The following DSCAML1 variants were observed in gnomAD, a reference collection of about 807,000 sequenced individuals.
DSCAML1 encodes the protein DS cell adhesion molecule like 1, also known as cell adhesion molecule DSCAML1.
Under a neutral mutation model 200.5 loss-of-function variants are expected in DSCAML1, and 38 were observed. That is an observed-to-expected ratio of 0.19 (90% CI 0.15 to 0.25). DSCAML1 has a LOEUF of 0.25. Among genes scored for constraint, DSCAML1 ranks in the 10% least tolerant of loss-of-function variants. DSCAML1 has a pLI of 1.00. For missense variants in DSCAML1, 2,223 were observed against 2,858.8 expected, an observed-to-expected ratio of 0.78 and a Z score of 5.07; for synonymous variants, 1,215 against 1,165.0, an observed-to-expected ratio of 1.04 and a Z score of -0.87.
chr11:117,481,651 ATCCAGGAGAGAGGGAGGGGCTGAGGGG>A (rs1466562737), intron 12 of DSCAML1, among the ~76,000 whole-genome samples: 1 of 135,560 alleles, frequency 7.4e-6, no homozygotes, highest in Non-Finnish European at 1.6e-5. Flanking sequence ...GGGCTGAGGG[ATCCAGGAGAGAGGGAGGGGCTGAGGGG>A]TCCCAAAAGG....
intron 3 of DSCAML1, among the ~76,000 whole-genome samples, chr11:117,753,710 G>T (rs1336967221): frequency 6.6e-6 from 1 of 152,214 alleles, no homozygotes; most frequent in Non-Finnish European, 1.5e-5. Context: ...GCTGAGACCT[G>T]TGACTTAGAA....
intron 3 of DSCAML1, among the ~76,000 whole-genome samples, chr11:117,700,871 T>C (rs969195945): frequency 6.6e-6 from 1 of 152,250 alleles, no homozygotes; most frequent in Non-Finnish European, 1.5e-5. Flanking sequence ...CTATCAGAGA[T>C]GGAGCCAGTC....
chr11:117,747,702 C>T (rs562097836), intron 3 of DSCAML1, among the ~76,000 whole-genome samples: 17 of 152,232 alleles, frequency 1.1e-4, no homozygotes, highest in Admixed American at 5.9e-4. Flanking sequence ...TCAGAGAGAC[C>T]GCCTGTGTCC....
chr11:117,454,411 A>T (rs1456361442), intron 19 of DSCAML1, among the ~76,000 whole-genome samples: 1 of 152,242 alleles, frequency 6.6e-6, no homozygotes, highest in Non-Finnish European at 1.5e-5. Context: ...TTCACAAGTT[A>T]TATCTTCAAC....
chr11:117,703,254 C>T (rs548933289), intron 3 of DSCAML1, among the ~76,000 whole-genome samples: 77 of 152,284 alleles, frequency 5.1e-4, no homozygotes, highest in Admixed American at 1.6e-3. Context: ...GCTATTTCAT[C>T]TTGAGATTAT....
At chr11:117,626,611 C>G (rs115133148) in intron 3 of DSCAML1, among the ~76,000 whole-genome samples, 1 of 152,116 alleles carries the variant, frequency 6.6e-6, no homozygotes, top group African/African-American at 2.4e-5. Context: ...TCTCATGGAA[C>G]GGGCATAGCA....
At chr11:117,608,108 G>A (rs1401473909) in intron 3 of DSCAML1, among the ~76,000 whole-genome samples, 2 of 152,192 alleles carry the variant, frequency 1.3e-5, no homozygotes, top group East Asian at 3.8e-4. Context: ...AGGACACTGG[G>A]CCAAGCACTG....
At chr11:117,501,914 C>G (rs2049403276) in intron 11 of DSCAML1, among the ~76,000 whole-genome samples, 2 of 152,134 alleles carry the variant, frequency 1.3e-5, no homozygotes, top group Non-Finnish European at 2.9e-5. Flanking sequence ...GGTCCAGGTT[C>G]TGCCCAGCAG....
chr11:117,513,740 CAAAAAA>C (rs58490526), intron 8 of DSCAML1, among the ~76,000 whole-genome samples: 2 of 77,796 alleles, frequency 2.6e-5, no homozygotes, highest in African/African-American at 5.0e-5. Context: ...GACTCTATCT[CAAAAAA>C]AAAAAAAAAA....
chr11:117,725,282 G>A (rs116998122), intron 3 of DSCAML1, among the ~76,000 whole-genome samples: 64 of 150,984 alleles, frequency 4.2e-4, no homozygotes, highest in Non-Finnish European at 7.2e-4. Flanking sequence ...TTGCCAGGCA[G>A]TACAGGCCTC....
chr11:117,573,236 C>T (rs908063383), intron 3 of DSCAML1, among the ~76,000 whole-genome samples: 3 of 152,238 alleles, frequency 2.0e-5, no homozygotes, highest in Non-Finnish European at 4.4e-5. Flanking sequence ...GCCGTACGCT[C>T]TCTGCAAGCT....
At chr11:117,721,713 A>AATATATC (rs1403054195) in intron 3 of DSCAML1, among the ~76,000 whole-genome samples, 1 of 147,508 alleles carries the variant, frequency 6.8e-6, no homozygotes, top group African/African-American at 2.5e-5. Context: ...GTTTATATAA[A>AATATATC]ATATATCATA....
At chr11:117,579,573 T>C (rs2051006618) in intron 3 of DSCAML1, among the ~76,000 whole-genome samples, 1 of 152,238 alleles carries the variant, frequency 6.6e-6, no homozygotes. Flanking sequence ...TCAAAGTAGA[T>C]ATTGAGCACT....
At chr11:117,617,847 C>T (rs570857394) in intron 3 of DSCAML1, among the ~76,000 whole-genome samples, 2 of 152,226 alleles carry the variant, frequency 1.3e-5, no homozygotes, top group South Asian at 2.1e-4. Context: ...TGCCTCCCCT[C>T]GCTACCCCCT....
chr11:117,590,831 T>C (rs1239516966), intron 3 of DSCAML1, among the ~76,000 whole-genome samples: 1 of 152,086 alleles, frequency 6.6e-6, no homozygotes, highest in African/African-American at 2.4e-5. Context: ...AAGGAAGTAT[T>C]GTCAATTTTG....
At chr11:117,439,664 C>T (rs1282160149) in intron 22 of DSCAML1, among the ~76,000 whole-genome samples, 155 bp downstream of exon 22, 1 of 152,104 alleles carries the variant, frequency 6.6e-6, no homozygotes, top group Non-Finnish European at 1.5e-5. Flanking sequence ...GCCAGGCCTG[C>T]TTGAGAGAGC....
chr11:117,531,572 T>C (rs1288244621), intron 4 of DSCAML1, among the ~76,000 whole-genome samples: 1 of 152,076 alleles, frequency 6.6e-6, no homozygotes, highest in African/African-American at 2.4e-5. Flanking sequence ...AAAAGATACA[T>C]ATGTACTCAT....
chr11:117,526,878 C>T (rs1213737138), intron 4 of DSCAML1, among the ~76,000 whole-genome samples: 1 of 152,126 alleles, frequency 6.6e-6, no homozygotes, highest in African/African-American at 2.4e-5. Flanking sequence ...TAGCTCATGC[C>T]TGTAATCTCA....
At chr11:117,760,484 G>C (rs920758998) in intron 3 of DSCAML1, among the ~76,000 whole-genome samples, 1 of 152,170 alleles carries the variant, frequency 6.6e-6, no homozygotes, top group African/African-American at 2.4e-5. Context: ...CATAATGTAT[G>C]GCATCCTTCT....
Sources: gnomAD v4.1 joint callset for allele counts (sites outside exome capture counted in the v4.1 genomes callset) on GRCh38, gnomAD v4.1.1 for gene constraint, MANE v1.5 for transcripts, NCBI Gene and HGNC (gene_info 2026-07-23, HGNC 2026-07-21) for gene names.